Variants in NECTIN1 observed in about 807,000 individuals in gnomAD.
NECTIN1 encodes the protein nectin-1.
In NECTIN1, 23 loss-of-function variants were observed where a neutral mutation model predicts 48.0. The ratio of observed to expected loss-of-function variants is 0.48; its 90% CI spans 0.34 to 0.68. NECTIN1 has a LOEUF of 0.68. NECTIN1 is among the 30% of genes least tolerant of loss of function. NECTIN1 has a pLI of 0.01. For missense variants in NECTIN1, 591 were observed against 709.9 expected (o/e 0.83, Z 1.90); for synonymous variants, 270 against 288.9 (o/e 0.93, Z 0.66).
At chr11:119,671,598 A>G (rs1864862657) in intron 5 of NECTIN1, among the ~76,000 whole-genome samples, 1 of 152,162 alleles carries the variant, frequency 6.6e-6, no homozygotes, top group African/African-American at 2.4e-5. Context: ...CTCCGAAACC[A>G]ATGCCTGGCG....
At chr11:119,639,748 G>T in intron 6 of NECTIN1, 1 of 1,357,176 alleles carries the variant, frequency 7.4e-7, no homozygotes. Context: ...CCCAGGGTGG[G>T]GAGGCCCTAG....
At chr11:119,676,558 G>A (rs1243548232) in intron 4 of NECTIN1, among the ~76,000 whole-genome samples, 1 of 152,222 alleles carries the variant, frequency 6.6e-6, no homozygotes, top group Non-Finnish European at 1.5e-5. Context: ...GGCTGGAGGG[G>A]AGAAGGCGAA....
chr11:119,669,671 C>A (rs1000929160), intron 5 of NECTIN1, among the ~76,000 whole-genome samples: 7 of 152,126 alleles, frequency 4.6e-5, no homozygotes, highest in Non-Finnish European at 1.5e-5. Flanking sequence ...TGCCCTACGC[C>A]CCGCCCCACC....
At chr11:119,690,056 C>T (rs1478193590) in intron 1 of NECTIN1, among the ~76,000 whole-genome samples, 2 of 152,228 alleles carry the variant, frequency 1.3e-5, no homozygotes, top group South Asian at 2.1e-4. Flanking sequence ...TCTGCTGAAC[C>T]CTTCCCTGTA....
At chr11:119,639,189 G>A (rs896699113) in intron 6 of NECTIN1, among the ~76,000 whole-genome samples, 4 of 152,128 alleles carry the variant, frequency 2.6e-5, no homozygotes, top group Non-Finnish European at 2.9e-5. Flanking sequence ...TAGCCAGCAC[G>A]GGAAATAACA....
chr11:119,723,133 C>T (rs912668986), intron 1 of NECTIN1, among the ~76,000 whole-genome samples: 2 of 146,308 alleles, frequency 1.4e-5, no homozygotes, highest in East Asian at 2.1e-4. Flanking sequence ...GCAGAAGAAT[C>T]GCTTGAACCC....
intron 4 of NECTIN1, chr11:119,676,800 A>G (rs1864958412): frequency 2.3e-6 from 1 of 431,934 alleles, no homozygotes; most frequent in South Asian, 2.1e-5. Context: ...AGTGACTCAG[A>G]CTGAATCACC....
chr11:119,646,769 G>A (rs1864400920), intron 5 of NECTIN1, among the ~76,000 whole-genome samples: 1 of 152,228 alleles, frequency 6.6e-6, no homozygotes, highest in Non-Finnish European at 1.5e-5. Flanking sequence ...GAGGAAGATA[G>A]CTCAAGGTTG....
At chr11:119,648,724 G>T (rs1591439173) in intron 5 of NECTIN1, among the ~76,000 whole-genome samples, 1 of 152,068 alleles carries the variant, frequency 6.6e-6, no homozygotes, top group East Asian at 1.9e-4. Flanking sequence ...CTGTGGGAGT[G>T]TCTGGGGTCT....
At chr11:119,685,863 GTGGTTTCCTTTGC>G (rs1865145811) in intron 1 of NECTIN1, among the ~76,000 whole-genome samples, 5 of 152,214 alleles carry the variant, frequency 3.3e-5, no homozygotes, top group African/African-American at 1.2e-4. Context: ...CTTGGATAGG[GTGGTTTCCTTTGC>G]TGTAAAATGG....
Position 119,674,394 on chromosome 11 carries a change from A to G in NECTIN1, c.1003+765T>C, listed in dbSNP as rs970662777. ...GATGATGATGGAGGTCAGGGTAATA[A>G]TCACGGAACATTGGCCATTTATTGA... On this transcript the variant is annotated intron_variant, in intron 5 of 5. Transcript: ENST00000264025. 7.8e-5 allele frequency: 118 copies of G among 1,506,978 alleles called. No homozygotes were observed. In the African/African-American group the frequency reaches 1.6e-3, roughly 20 times the overall value. 93.4% of individuals were successfully genotyped at this position (1,506,978 alleles called of 1,614,324 possible). A position where few individuals can be genotyped will look rare whatever the true frequency, so the allele number is the denominator to read the frequency against.
rs777251338 is a variant in NECTIN1 at position 119,664,697 on chromosome 11, G to A, written c.*50C>T. Reference sequence around the variant, plus strand: ...GGTGGGGGGTGGGCAGGGGGCGTGCGGGGAGGGGCTGGGGAGGAGCGGTCA... The same window carrying A: ...GGTGGGGGGTGGGCAGGGGGCGTGCAGGGAGGGGCTGGGGAGGAGCGGTCA... On this transcript the variant is annotated 3_prime_UTR_variant, in exon 6 of 6. Transcript: ENST00000264025. 4.0e-6 allele frequency: 6 copies of A among 1,512,122 alleles called. No individual in the cohort carries two copies. The highest frequency in any genetic ancestry group is 4.1e-4 in the Middle Eastern group (2 of 4,850). The allele number at this position is 1,512,122 out of a possible 1,614,324, so 93.7% of individuals were successfully genotyped here.
chr11:119,665,018 GCC>G lies in NECTIN1; in HGVS notation c.1281_1282del (p.Lys427AsnfsTer10), dbSNP rs759356556. 2 of 1,613,668 alleles carry G rather than the reference GCC, an allele frequency of 1.2e-6. No individual in the cohort carries two copies. Among genetic ancestry groups the G allele is most frequent in the African/African-American group, 2.7e-5 (2 of 74,894 alleles). ...ATAGCTGCTTCCACCCAGTGGGCCG[GCC>G]TTCTTCTCGTCGTCTGAGTCGTCGG... is the stretch of plus-strand genomic sequence containing the variant. On this transcript the variant is annotated frameshift_variant, in exon 6 of 6. Coordinates refer to ENST00000264025, the MANE Select transcript of NECTIN1 (RefSeq NM_002855.5). LOFTEE classifies it high-confidence loss of function. This position sits in a 1 kb window ranked among gnomAD's most constrained non-coding sequence, Gnocchi z 5.1.
At position 119,661,993 on chromosome 11, in the gene NECTIN1, A is replaced by G; in HGVS notation, c.*2754T>C. On this transcript the variant is annotated 3_prime_UTR_variant, in exon 6 of 6. Transcript: ENST00000264025. Reference sequence around the variant, plus strand: ...TTTCAGACCCTTCTGATAAAAGGGGACTCGGCTGGTTCTATTACACATTAG... The same window carrying G: ...TTTCAGACCCTTCTGATAAAAGGGGGCTCGGCTGGTTCTATTACACATTAG... The G allele has an allele frequency of 1.0e-6, 1 of 984,694 alleles. No homozygotes were observed. Among genetic ancestry groups the G allele is most frequent in the Non-Finnish European group, 1.2e-6 (1 of 829,824 alleles). The allele number at this position is 984,694 out of a possible 1,614,324, so 61.0% of individuals were successfully genotyped here.
rs751626384 is a variant in NECTIN1, at chr11:119,675,271, G to C, written c.891C>G (p.Asn297Lys). ...TGGGTCCCTTGAAGAAGAGGGTTCT[G>C]TTCTGGGCCTCCACACCCTTGGGGA... ...GSLPKGVEAQ[N>K]RTLFFKGPIN... Residue 297 changes from asparagine to lysine, a missense_variant, in exon 5 of 6, where the codon AAC becomes AAG. By Grantham distance (94) the Asn-to-Lys change is moderately conservative. Coordinates refer to ENST00000264025, the MANE Select transcript of NECTIN1 (RefSeq NM_002855.5). The C allele has an allele frequency of 6.2e-7, 1 of 1,614,140 alleles. No individual in the cohort carries two copies. Among genetic ancestry groups the C allele is most frequent in the Non-Finnish European group, 8.5e-7 (1 of 1,180,026 alleles).
intron 1 of NECTIN1, among the ~76,000 whole-genome samples, chr11:119,724,407 C>A (rs543695471): frequency 6.6e-6 from 1 of 152,138 alleles, no homozygotes; most frequent in Non-Finnish European, 1.5e-5. Context: ...CATCTCCCTG[C>A]GAGCAGGCAG....
chr11:119,658,257 G>A (rs1323588317), downstream of NECTIN1, among the ~76,000 whole-genome samples: 2 of 152,174 alleles, frequency 1.3e-5, no homozygotes, highest in Non-Finnish European at 2.9e-5. Flanking sequence ...CTTGGCAGAA[G>A]GGAGGCTGGG....
rs956623867 is a variant in NECTIN1 at position 119,728,794 on chromosome 11, G to T, written c.-241C>A. 3.2e-5 allele frequency: 13 copies of T among 408,870 alleles called. No homozygotes were observed. Among genetic ancestry groups the T allele is most frequent in the Non-Finnish European group, 5.2e-5 (12 of 231,944 alleles). 25.3% of individuals were successfully genotyped at this position (408,870 alleles called of 1,614,324 possible). A position where few individuals can be genotyped will look rare whatever the true frequency, so the allele number is the denominator to read the frequency against. On this transcript the variant is annotated 5_prime_UTR_variant, in exon 1 of 6. Transcript: ENST00000264025. Reference sequence around the variant, plus strand: ...GCCCGCCGCAAGTTGCACGAGTCATGCCCCTTCGCCTCCTCCGCTCTCCTC... The same window carrying T: ...GCCCGCCGCAAGTTGCACGAGTCATTCCCCTTCGCCTCCTCCGCTCTCCTC...
chr11:119,669,962 C>CTTT (rs535335352), intron 5 of NECTIN1, among the ~76,000 whole-genome samples: 13 of 144,414 alleles, frequency 9.0e-5, no homozygotes, highest in African/African-American at 3.3e-4. Flanking sequence ...AAAATTACTA[C>CTTT]TTTTTTTTTT....
Sources: allele counts gnomAD v4.1 joint callset (sites outside exome capture counted in the v4.1 genomes callset), GRCh38; gene constraint gnomAD v4.1.1; non-coding constraint Gnocchi (gnomAD v3.1); transcripts MANE v1.5; gene names NCBI Gene and HGNC (gene_info 2026-07-23, HGNC 2026-07-21).